Variants in TRPV6 observed in about 807,000 individuals in gnomAD.
The protein encoded by TRPV6 is Alu-binding protein with zinc finger domain.
Under a neutral mutation model 79.0 loss-of-function variants are expected in TRPV6, and 39 were observed. That is an observed-to-expected ratio of 0.49 (90% CI 0.38 to 0.64). The LOEUF (loss-of-function observed/expected upper bound fraction) is 0.64. Among genes scored for constraint, TRPV6 ranks in the 30% least tolerant of loss-of-function variants. The probability of loss-of-function intolerance (pLI) is 0.00; values close to 1 mark genes in which losing one functional copy is unlikely to be tolerated. For synonymous variants in TRPV6, 373 were observed against 391.9 expected (o/e 0.95, Z 0.57); for missense variants, 813 against 1,011.1 (o/e 0.80, Z 2.66).
Position 142,876,522 on chromosome 7 carries a change from G to A in TRPV6, c.768C>T (p.Tyr256=), listed in dbSNP as rs781650924. 2 of 1,614,174 alleles carry A rather than the reference G, an allele frequency of 1.2e-6. No individual in the cohort carries two copies. Among genetic ancestry groups the A allele is most frequent in the South Asian group, 2.2e-5 (2 of 91,084 alleles). The stretch of plus-strand genomic sequence containing the variant: ...GTCTGTCGTAGGACAGCAACAGGTT[G>A]TACATCTGGCAGGCAAAGGTTTTGT... Residue 256 remains tyrosine (Y), a synonymous_variant, in exon 6 of 15, where the codon TAC becomes TAT. Transcript: ENST00000359396.
chr7:142,874,723 A>C, intron 10 of TRPV6, 67 bp from the exon 11 acceptor site: 1 of 1,579,900 alleles, frequency 6.3e-7, no homozygotes, highest in Non-Finnish European at 8.6e-7. Flanking sequence ...GACAGCAAGA[A>C]TGTAGCTGGG....
chr7:142,874,223 C>A, intron 11 of TRPV6, 81 bp from the exon 12 acceptor site: 1 of 1,474,326 alleles, frequency 6.8e-7, no homozygotes, highest in South Asian at 1.2e-5. Flanking sequence ...GGTCTCACCC[C>A]GACAAGTCTC....
intron 2 of TRPV6, 30 bp downstream of exon 2, chr7:142,877,899 A>G: frequency 6.2e-7 from 1 of 1,613,228 alleles, no homozygotes; most frequent in Admixed American, 1.7e-5. Flanking sequence ...GGGCTCACCT[A>G]GGAGATCATG....
In TRPV6 at chr7:142,872,361, A is replaced by AGGGACACC; in HGVS notation, c.2015+10_2015+11insGGTGTCCC. 1 of 1,613,802 alleles carries AGGGACACC rather than the reference A, an allele frequency of 6.2e-7. No individual in the cohort carries two copies. The highest frequency in any genetic ancestry group is 8.5e-7 in the Non-Finnish European group (1 of 1,179,762). On this transcript the variant is annotated intron_variant, in intron 14 of 14. Coordinates refer to ENST00000359396, the MANE Select transcript of TRPV6 (RefSeq NM_018646.6). ...CTTCTCAGGGGACACCTACCCCCGC[A>AGGGACACC]TATCACTCACCGCAGGAACCAGCGG...
intron 3 of TRPV6, 174 bp downstream of exon 3, chr7:142,877,477 C>A: frequency 6.9e-7 from 1 of 1,445,612 alleles, no homozygotes; most frequent in South Asian, 1.4e-5. Context: ...TTTCAGGGGG[C>A]AGGCGTTCTA....
chr7:142,876,677 C>T (rs1433842766), intron 5 of TRPV6, 62 bp downstream of exon 5: 3 of 1,613,176 alleles, frequency 1.9e-6, no homozygotes, highest in Admixed American at 1.7e-5. Context: ...CCCAGCCCCT[C>T]TCCTCACCCT....
rs114480896 is a variant in TRPV6 at position 142,877,511 on chromosome 7, C to T, written c.469+140G>A. ...TAGTGATGGGCAGTCAGGACTGACACGGAAGGGAGACAGAGAAGAGAAAAA... is the reference window on the plus strand; with the variant it reads ...TAGTGATGGGCAGTCAGGACTGACATGGAAGGGAGACAGAGAAGAGAAAAA... On this transcript the variant is annotated intron_variant, in intron 3 of 14. Transcript: ENST00000359396. 1,865 of 1,478,530 alleles carry T rather than the reference C, an allele frequency of 1.3e-3. 23 individuals carry two copies. In the African/African-American group the frequency reaches 0.023, roughly 18 times the overall value. 91.6% of individuals were successfully genotyped at this position (1,478,530 alleles called of 1,614,324 possible). A position where few individuals can be genotyped will look rare whatever the true frequency, so the allele number is the denominator to read the frequency against.
chr7:142,874,542 G>A lies in TRPV6; in HGVS notation c.1521C>T (p.Tyr507=). 6.2e-7 allele frequency: 1 copy of A among 1,614,066 alleles called. No individual in the cohort carries two copies. The highest frequency in any genetic ancestry group is 8.5e-7 in the Non-Finnish European group (1 of 1,180,026). Residue 507 remains tyrosine, a synonymous_variant, in exon 11 of 15, where the codon TAC becomes TAT. Transcript: ENST00000359396. ...CTAGCATCTGGAATCCTCGGGCGAA[G>A]TACATGACGTTGCACCAGCCCAGCA...
At chr7:142,872,238 C>G (rs1794952416) in intron 14 of TRPV6, 134 bp downstream of exon 14, 1 of 1,030,072 alleles carries the variant, frequency 9.7e-7, no homozygotes, top group African/African-American at 1.6e-5. Flanking sequence ...TCCTCACCAG[C>G]TCAATCAACA....
intron 8 of TRPV6, 44 bp downstream of exon 8, chr7:142,875,424 G>A (rs768401952): frequency 6.6e-7 from 1 of 1,519,536 alleles, no homozygotes; most frequent in South Asian, 1.3e-5. Context: ...TGAGGACAGA[G>A]AGCCAAGTCC....
Position 142,871,228 on chromosome 7 carries a change from A to C in TRPV6, c.*479T>G. 1.9e-6 allele frequency: 1 copy of C among 527,660 alleles called. No homozygotes were observed. Among genetic ancestry groups the C allele is most frequent in the Non-Finnish European group, 3.4e-6 (1 of 291,178 alleles). The allele number at this position is 527,660 out of a possible 1,614,324, so 32.7% of individuals were successfully genotyped here. On this transcript the variant is annotated 3_prime_UTR_variant, in exon 15 of 15. Coordinates refer to ENST00000359396, the MANE Select transcript of TRPV6 (RefSeq NM_018646.6). The stretch of plus-strand genomic sequence containing the variant: ...TGGGCAGGGATCCGAAAACGACTTT[A>C]TTGAAGATGGAGTTGGCAAGACCTA...
intron 6 of TRPV6, 77 bp downstream of exon 6, chr7:142,876,331 C>T (rs2116517057): frequency 6.5e-7 from 1 of 1,532,436 alleles, no homozygotes. Context: ...TCGCGTTCAC[C>T]TCTGTTTCTC....
At position 142,878,250 on chromosome 7, in the gene TRPV6, G is replaced by A. The variant is rs185861711; in HGVS notation, c.249-224C>T. On this transcript the variant is annotated intron_variant, in intron 1 of 14. Transcript: ENST00000359396. ...TTTAGCATGCGTTTTGAGATTGTCC[G>A]TGACTGGTTTCCTTCCCCCCTACCG... 9.3e-4 allele frequency: 546 copies of A among 590,180 alleles called. 1 individual carries two copies. Among genetic ancestry groups the A allele is most frequent in the Non-Finnish European group, 1.5e-3 (492 of 330,310 alleles). The allele number at this position is 590,180 out of a possible 1,614,324, so 36.6% of individuals were successfully genotyped here.
intron 8 of TRPV6, 79 bp from the exon 9 acceptor site, chr7:142,875,243 C>G: frequency 3.3e-6 from 5 of 1,513,736 alleles, no homozygotes; most frequent in Non-Finnish European, 4.6e-6. Context: ...CCAGGGTCAC[C>G]AGTCTTAGCA....
rs779820490 is a variant in TRPV6 at position 142,871,829 on chromosome 7, G to A, written c.2176C>T (p.Arg726Ter). The change falls in exon 15 of 15, where the codon CGA becomes TGA. Residue 726 changes from arginine (R) to a stop codon, truncating the protein, a stop_gained. Transcript: ENST00000359396. LOFTEE classifies it high-confidence loss of function. ...TTGGCACTGCTGCGGGAGGTACTTC[G>A]AGACACTGAGGGCATAGGAAGGGAC... The A allele has an allele frequency of 3.1e-6, 5 of 1,614,042 alleles. No homozygotes were observed. The highest frequency in any genetic ancestry group is 2.2e-5 in the South Asian group (2 of 91,082).
chr7:142,871,236 T>C lies in TRPV6; in HGVS notation c.*471A>G. ...GATCCGAAAACGACTTTATTGAAGA[T>C]GGAGTTGGCAAGACCTAGCCCCACT... On this transcript the variant is annotated 3_prime_UTR_variant, in exon 15 of 15. Transcript: ENST00000359396. The C allele has an allele frequency of 9.6e-6, 5 of 520,054 alleles. No individual in the cohort carries two copies. The highest frequency in any genetic ancestry group is 2.1e-5 in the South Asian group (1 of 48,756). The allele number at this position is 520,054 out of a possible 1,614,324, so 32.2% of individuals were successfully genotyped here.
Position 142,871,782 on chromosome 7 carries a change from C to T in TRPV6, c.2223G>A (p.Gly741=). The change falls in exon 15 of 15, where the codon GGG becomes GGA. Residue 741 remains glycine, a synonymous_variant. Coordinates refer to ENST00000359396, the MANE Select transcript of TRPV6 (RefSeq NM_018646.6). ...TCCCACGCAGGTCTCTCCTCAGGGTCCCTTGCCGAAGCCTTTCCCAATTGG... is the reference window on the plus strand; with the variant it reads ...TCCCACGCAGGTCTCTCCTCAGGGTTCCTTGCCGAAGCCTTTCCCAATTGG... 6.2e-7 allele frequency: 1 copy of T among 1,614,190 alleles called. No individual in the cohort carries two copies. Among genetic ancestry groups the T allele is most frequent in the Non-Finnish European group, 8.5e-7 (1 of 1,180,014 alleles).
At position 142,871,771 on chromosome 7, in the gene TRPV6, C is replaced by T; in HGVS notation, c.2234G>A (p.Arg745Lys). 6.2e-7 allele frequency: 1 copy of T among 1,614,168 alleles called. No individual in the cohort carries two copies. The highest frequency in any genetic ancestry group is 8.5e-7 in the Non-Finnish European group (1 of 1,180,004). Residue 745 changes from arginine to lysine, a missense_variant, in exon 15 of 15, where the codon AGA (arginine) becomes AAA (lysine). By Grantham distance (26) the Arg-to-Lys change is conservative (BLOSUM62 2). Coordinates refer to ENST00000359396, the MANE Select transcript of TRPV6 (RefSeq NM_018646.6). ...CCTGTTGATTATCCCACGCAGGTCT[C>T]TCCTCAGGGTCCCTTGCCGAAGCCT... is the stretch of plus-strand genomic sequence containing the variant.
chr7:142,876,518 G>A lies in TRPV6; in HGVS notation c.772C>T (p.Leu258=). The change falls in exon 6 of 15, where the codon CTG becomes TTG. Residue 258 remains leucine (L), a synonymous_variant. Coordinates refer to ENST00000359396, the MANE Select transcript of TRPV6 (RefSeq NM_018646.6). ...CCATGTCTGTCGTAGGACAGCAACA[G>A]GTTGTACATCTGGCAGGCAAAGGTT... The A allele has an allele frequency of 6.2e-7, 1 of 1,614,192 alleles. No individual in the cohort carries two copies. The highest frequency in any genetic ancestry group is 8.5e-7 in the Non-Finnish European group (1 of 1,180,024).
Sources: allele counts gnomAD v4.1 joint callset, GRCh38; gene constraint gnomAD v4.1.1; transcripts MANE v1.5; gene names NCBI Gene and HGNC (gene_info 2026-07-23, HGNC 2026-07-21).